The following RELN variants were observed in gnomAD, a reference collection of about 807,000 sequenced individuals.
RELN encodes the protein reelin.
A neutral mutation model predicts 427.6 loss-of-function variants in RELN; 108 were observed. The observed-to-expected ratio is 0.25, with a 90% CI of 0.22 to 0.30. The LOEUF is 0.30. RELN is among the 10% of genes least tolerant of loss of function. RELN has a pLI of 1.00. For missense variants in RELN, 3,715 were observed against 4,302.8 expected, an observed-to-expected ratio of 0.86 and a Z score of 3.82; for synonymous variants, 1,524 against 1,513.4, an observed-to-expected ratio of 1.01 and a Z score of -0.16.
intron 14 of RELN, among the ~76,000 whole-genome samples, chr7:103,652,263 T>C (rs1832934160): frequency 6.6e-6 from 1 of 151,662 alleles, no homozygotes; most frequent in Non-Finnish European, 1.5e-5. Flanking sequence ...TTTTTTTTTT[T>C]TTCTCTCTTA....
At chr7:103,711,857 C>T (rs1351959299) in intron 8 of RELN, among the ~76,000 whole-genome samples, 3 of 152,002 alleles carry the variant, frequency 2.0e-5, no homozygotes, top group East Asian at 1.9e-4. Flanking sequence ...CAGGGTTTCA[C>T]CATGTTGCCC....
At chr7:103,798,528 T>C (rs1204721086) in intron 3 of RELN, among the ~76,000 whole-genome samples, 1 of 152,088 alleles carries the variant, frequency 6.6e-6, no homozygotes, top group Non-Finnish European at 1.5e-5. Context: ...AATATAGCGG[T>C]TTGGCCTGTT....
At chr7:103,631,909 C>T (rs1832476567) in intron 19 of RELN, among the ~76,000 whole-genome samples, 1 of 151,960 alleles carries the variant, frequency 6.6e-6, no homozygotes, top group Non-Finnish European at 1.5e-5. Flanking sequence ...AATTTTTCTT[C>T]ATATTAATTA....
At chr7:103,584,004 G>A (rs748985513) in intron 28 of RELN, among the ~76,000 whole-genome samples, 2 of 152,202 alleles carry the variant, frequency 1.3e-5, no homozygotes, top group Non-Finnish European at 2.9e-5. Context: ...ACTGCCATAG[G>A]ACTGCATCTT....
chr7:103,603,548 C>T lies in RELN; in HGVS notation c.3147-58G>A. The stretch of plus-strand genomic sequence containing the variant: ...CAGGCCCACCTGCCAATGCAATGGC[C>T]CTCTGACCTCAACCATTTCCCATGT... On this transcript the variant is annotated intron_variant, in intron 23 of 64. Transcript: ENST00000428762. The surrounding 1 kb of genome is among the most constrained non-coding windows in gnomAD (Gnocchi z 4.3). 1.6e-6 allele frequency: 2 copies of T among 1,254,820 alleles called. No homozygotes were observed. Among genetic ancestry groups the T allele is most frequent in the South Asian group, 2.4e-5 (2 of 83,776 alleles). The allele number at this position is 1,254,820 out of a possible 1,614,324, so 77.7% of individuals were successfully genotyped here. A position where few individuals can be genotyped will look rare whatever the true frequency, so the allele number is the denominator to read the frequency against.
At chr7:103,532,262 G>C (rs961411515) in intron 46 of RELN, among the ~76,000 whole-genome samples, 5 of 152,070 alleles carry the variant, frequency 3.3e-5, no homozygotes, top group African/African-American at 1.2e-4. Context: ...GGACACACAA[G>C]GGGGGAACAA....
chr7:103,504,413 C>G (rs922674508), intron 51 of RELN: 6 of 152,064 alleles, frequency 3.9e-5, no homozygotes, highest in African/African-American at 1.2e-4. Flanking sequence ...GTATTTCATC[C>G]TGAGCAGGAA....
At position 103,553,512 on chromosome 7, in the gene RELN, G is replaced by C. The variant is rs755000374; in HGVS notation, c.6021C>G (p.Ser2007=). The change falls in exon 40 of 65, where the codon TCC becomes TCG. Residue 2007 remains serine (S), a synonymous_variant. Coordinates refer to ENST00000428762, the MANE Select transcript of RELN (RefSeq NM_005045.4). ...VFVSNEVGEH[S]ITTRDLNVNE... ...TCACATTTAGGTCACGGGTGGTAAT[G>C]GAATGCTCACCAACTTCATTTGAAA... 4 of 1,614,056 alleles carry C rather than the reference G, an allele frequency of 2.5e-6. No homozygotes were observed. The highest frequency in any genetic ancestry group is 3.4e-6 in the Non-Finnish European group (4 of 1,179,950).
At chr7:103,959,380 G>A (rs1239248844) in intron 1 of RELN, among the ~76,000 whole-genome samples, 2 of 152,000 alleles carry the variant, frequency 1.3e-5, no homozygotes, top group Non-Finnish European at 2.9e-5. Flanking sequence ...TTATATCCCA[G>A]CCCAAACCCC....
intron 45 of RELN, among the ~76,000 whole-genome samples, chr7:103,535,693 ATAACTTT>A (rs1403057493): frequency 6.8e-6 from 1 of 146,732 alleles, no homozygotes; most frequent in African/African-American, 2.5e-5. Context: ...CCATGTTGAA[ATAACTTT>A]TAAGGGGATA....
intron 4 of RELN, among the ~76,000 whole-genome samples, chr7:103,757,845 T>C (rs976499608): frequency 2.0e-5 from 3 of 152,140 alleles, no homozygotes; most frequent in Admixed American, 1.3e-4. Context: ...GGAACCTTCA[T>C]AATATGGTCC....
intron 63 of RELN, 91 bp downstream of exon 63, chr7:103,482,782 A>C (rs1356423206): frequency 3.1e-6 from 5 of 1,599,422 alleles, no homozygotes; most frequent in Non-Finnish European, 3.4e-6. Flanking sequence ...CTCATCAAAA[A>C]CGGATCTTAC....
intron 1 of RELN, among the ~76,000 whole-genome samples, chr7:103,928,137 G>A (rs534420984): frequency 1.5e-3 from 235 of 152,174 alleles, no homozygotes; most frequent in Non-Finnish European, 2.7e-3. Context: ...ACAATTATCT[G>A]TACACAGAAA....
chr7:103,863,291 G>A, intron 2 of RELN, among the ~76,000 whole-genome samples: 1 of 152,100 alleles, frequency 6.6e-6, no homozygotes, highest in Non-Finnish European at 1.5e-5. Context: ...TTTGACACAT[G>A]AACCATATGA....
chr7:103,747,530 G>T (rs926809277), intron 6 of RELN, among the ~76,000 whole-genome samples: 18 of 152,020 alleles, frequency 1.2e-4, no homozygotes, highest in African/African-American at 4.1e-4. Flanking sequence ...TTTGGCAAGT[G>T]GCTTGGTGAA....
At chr7:103,616,818 G>T (rs1832091074) in intron 20 of RELN, among the ~76,000 whole-genome samples, 1 of 151,932 alleles carries the variant, frequency 6.6e-6, no homozygotes, top group Non-Finnish European at 1.5e-5. Context: ...AATTTGGTGA[G>T]GTTGTTTTCA....
intron 1 of RELN, among the ~76,000 whole-genome samples, chr7:103,981,069 GTC>G (rs1315522402): frequency 6.6e-6 from 1 of 152,214 alleles, no homozygotes; most frequent in Non-Finnish European, 1.5e-5. Flanking sequence ...AGACTCAGAT[GTC>G]TGTTTCCTAT....
In RELN at chr7:103,917,201, GAA is replaced by G. The variant is rs561211301; in HGVS notation, c.227-18_227-17del. On this transcript the variant is annotated splice_polypyrimidine_tract_variant and intron_variant, in intron 1 of 64. Coordinates refer to ENST00000428762, the MANE Select transcript of RELN (RefSeq NM_005045.4). ...GAAATTGTCACTGAAATGTAAGAAAGAAAAAAAAAACTCTCAATACAGTCAGA... is the reference window on the plus strand; with the variant it reads ...GAAATTGTCACTGAAATGTAAGAAAGAAAAAAAACTCTCAATACAGTCAGA... 6.9e-7 allele frequency: 1 copy of G among 1,457,208 alleles called. No homozygotes were observed. The highest frequency in any genetic ancestry group is 9.3e-7 in the Non-Finnish European group (1 of 1,070,772). The allele number at this position is 1,457,208 out of a possible 1,614,324, so 90.3% of individuals were successfully genotyped here.
chr7:103,705,425 T>A (rs939466720), intron 8 of RELN, among the ~76,000 whole-genome samples: 1 of 152,210 alleles, frequency 6.6e-6, no homozygotes, highest in Non-Finnish European at 1.5e-5. Flanking sequence ...GAAAAATGGT[T>A]CTCTAATTTG....
Sources: gnomAD v4.1 joint callset for allele counts (sites outside exome capture counted in the v4.1 genomes callset) on GRCh38, gnomAD v4.1.1 for gene constraint, Gnocchi (gnomAD v3.1) non-coding constraint, MANE v1.5 for transcripts, NCBI Gene and HGNC (gene_info 2026-07-23, HGNC 2026-07-21) for gene names.